BEGAIN: variants seen among roughly 807,000 people sequenced by gnomAD.
BEGAIN encodes brain-enriched guanylate kinase-associated protein.
In BEGAIN, 19 loss-of-function variants were observed where a neutral mutation model predicts 35.8. The ratio of observed to expected loss-of-function variants is 0.53; its 90% CI spans 0.37 to 0.78. The LOEUF is 0.78. Ranked by LOEUF, BEGAIN falls within the 30% of genes least tolerant of loss-of-function variation. The probability of loss-of-function intolerance (pLI) is 0.00; values close to 1 mark genes in which losing one functional copy is unlikely to be tolerated. For synonymous variants in BEGAIN, 462 were observed against 388.6 expected, an observed-to-expected ratio of 1.19 and a Z score of -2.22; for missense variants, 795 against 853.6, an observed-to-expected ratio of 0.93 and a Z score of 0.85.
At chr14:100,539,401 ATGT>A in intron 6 of BEGAIN, 86 bp from the exon 7 acceptor site, 1 of 1,482,480 alleles carries the variant, frequency 6.7e-7, no homozygotes, top group African/African-American at 1.4e-5. Context: ...CTGAGGACTG[ATGT>A]TAGCCATGAC....
At chr14:100,566,104 C>T (rs1490662340) in intron 2 of BEGAIN, among the ~76,000 whole-genome samples, 1 of 152,204 alleles carries the variant, frequency 6.6e-6, no homozygotes, top group Admixed American at 6.5e-5. Context: ...GGGCAGGACC[C>T]CTCCCCAGTT....
chr14:100,544,019 A>G, intron 4 of BEGAIN, 54 bp from the exon 5 acceptor site: 1 of 1,380,168 alleles, frequency 7.2e-7, no homozygotes, highest in Non-Finnish European at 1.0e-6. Flanking sequence ...TGGTGAGCCA[A>G]CCCAGTCGCT....
At chr14:100,546,729 C>T in intron 2 of BEGAIN, 67 bp from the exon 3 acceptor site, 1 of 1,436,064 alleles carries the variant, frequency 7.0e-7, no homozygotes, top group Admixed American at 2.7e-5. Context: ...GCCCGCAGGC[C>T]AGCCGGGGCG....
intron 1 of BEGAIN, among the ~76,000 whole-genome samples, chr14:100,574,633 C>A (rs1478062902): frequency 6.6e-6 from 1 of 151,582 alleles, no homozygotes; most frequent in Non-Finnish European, 1.5e-5. Flanking sequence ...CTGGCAACGT[C>A]GGCCCACATT....
intron 1 of BEGAIN, among the ~76,000 whole-genome samples, chr14:100,583,692 C>CTTTTTTTTTTTTTTTTTTTT (rs56090356): frequency 3.4e-4 from 37 of 108,976 alleles, no homozygotes; most frequent in Non-Finnish European, 5.0e-4. Context: ...GTTTTTCTTC[C>CTTTTTTTTTTTTTTTTTTTT]TTTTTTTTTT....
chr14:100,555,496 G>A (rs181042730), intron 2 of BEGAIN, among the ~76,000 whole-genome samples: 143 of 152,318 alleles, frequency 9.4e-4, no homozygotes, highest in African/African-American at 3.3e-3. Flanking sequence ...CCTGCCCACC[G>A]TGTGCACCCA....
intron 2 of BEGAIN, among the ~76,000 whole-genome samples, chr14:100,552,289 C>T (rs1469190804): frequency 6.6e-6 from 1 of 152,172 alleles, no homozygotes; most frequent in East Asian, 1.9e-4. Flanking sequence ...CAGGCTCTGA[C>T]TCTGGTCTCT....
intron 1 of BEGAIN, among the ~76,000 whole-genome samples, chr14:100,579,018 G>A (rs931564456): frequency 6.6e-6 from 1 of 152,104 alleles, no homozygotes; most frequent in Admixed American, 6.6e-5. Context: ...CTGCTACCAT[G>A]CCTGGCTAAT....
intron 2 of BEGAIN, chr14:100,549,840 C>T (rs890958853): frequency 6.6e-6 from 1 of 152,318 alleles, no homozygotes; most frequent in African/African-American, 2.4e-5. Context: ...GAAAAGGTGT[C>T]CTGGCAAGGG....
At position 100,558,456 on chromosome 14, in the gene BEGAIN, G is replaced by A. The variant is rs2033952540; in HGVS notation, c.71+9455C>T. On this transcript the variant is annotated intron_variant, in intron 2 of 6. Transcript: ENST00000554140. This position sits in a 1 kb window ranked among gnomAD's most constrained non-coding sequence, Gnocchi z 4.6. ...GCCTCCTGGCACCAGCGTGTCCCGG[G>A]GATCTGGCCTCCGGCATCTCCTTCC... Among the ~76,000 whole-genome samples the A allele has an allele frequency of 6.6e-6, 1 of 152,128 alleles. No individual in the cohort carries two copies. The highest frequency in any genetic ancestry group is 2.4e-5 in the African/African-American group (1 of 41,412).
rs2034927039 is a variant in BEGAIN at position 100,568,630 on chromosome 14, C to G, written c.43-691G>C. The G allele has an allele frequency of 1.3e-6, 1 of 790,044 alleles. No individual in the cohort carries two copies. The highest frequency in any genetic ancestry group is 1.8e-5 in the South Asian group (1 of 54,822). The allele number at this position is 790,044 out of a possible 1,614,324, so 48.9% of individuals were successfully genotyped here. On this transcript the variant is annotated intron_variant, in intron 1 of 6. Coordinates refer to ENST00000554140, the MANE Select transcript of BEGAIN (RefSeq NM_001385089.1). The surrounding 1 kb of genome is among the most constrained non-coding windows in gnomAD (Gnocchi z 7.5). ...ACCCGCCCGCGCGCGGCTTGGAGAC[C>G]CTCCCTGCCCAGCCCCGCTCAGCCG... is the stretch of plus-strand genomic sequence containing the variant.
chr14:100,582,315 T>C (rs1429761738), intron 1 of BEGAIN, among the ~76,000 whole-genome samples: 1 of 152,128 alleles, frequency 6.6e-6, no homozygotes, highest in Non-Finnish European at 1.5e-5. Context: ...CAGCTAATTT[T>C]TGTATTTTTA....
chr14:100,569,498 C>G (rs12893609), intron 1 of BEGAIN: 7,044 of 152,418 alleles, frequency 0.046, 217 homozygotes, highest in Middle Eastern at 0.088. Context: ...TAAACACGGA[C>G]AGTGCATGCC....
intron 2 of BEGAIN, chr14:100,550,636 G>T (rs574672742): frequency 2.3e-4 from 93 of 396,560 alleles, no homozygotes; most frequent in Non-Finnish European, 3.9e-4. Context: ...TGGGGAGTTG[G>T]TCCCCACCCC....
chr14:100,543,980 G>A lies in BEGAIN; in HGVS notation c.301-15C>T, dbSNP rs1595110878. The A allele has an allele frequency of 1.9e-6, 3 of 1,592,232 alleles. No individual in the cohort carries two copies. The highest frequency in any genetic ancestry group is 4.6e-5 in the East Asian group (2 of 43,720). On this transcript the variant is annotated splice_polypyrimidine_tract_variant and intron_variant, in intron 4 of 6. Coordinates refer to ENST00000554140, the MANE Select transcript of BEGAIN (RefSeq NM_001385089.1). ...TAGTGCTGGCCCTGGGGGTGGGACA[G>A]TGGGAGGAGGAGGCCCGTGGTTGGC...
At chr14:100,578,456 G>A (rs1045127130) in intron 1 of BEGAIN, among the ~76,000 whole-genome samples, 7 of 152,212 alleles carry the variant, frequency 4.6e-5, no homozygotes, top group East Asian at 1.9e-4. Context: ...CAGAGGCTGC[G>A]GGCAGCCCAC....
At chr14:100,545,842 C>G (rs1024296988) in intron 3 of BEGAIN, among the ~76,000 whole-genome samples, 6 of 152,190 alleles carry the variant, frequency 3.9e-5, no homozygotes, top group Non-Finnish European at 8.8e-5. Context: ...ATGGCAAGTC[C>G]TCCCTAGGGG....
Position 100,546,547 on chromosome 14 carries a change from G to A in BEGAIN, c.187C>T (p.Arg63Trp). ...STRHYLEIEL[R>W]RAQEELEKVT... is the part of the protein sequence containing the mutation. ...TTCTCCAGTTCCTCCTGCGCGCGCC[G>A]CAGCTCGATCTCCAGGTAGTGGCGC... The change falls in exon 3 of 7, where the codon CGG becomes TGG. Residue 63 changes from arginine to tryptophan, a missense_variant. Around this residue, in one of 3 missense-constraint regions of BEGAIN, gnomAD observed 73 missense variants for 143.2 expected, o/e 0.51. Coordinates refer to ENST00000554140, the MANE Select transcript of BEGAIN (RefSeq NM_001385089.1). 6.3e-7 allele frequency: 1 copy of A among 1,578,972 alleles called. No individual in the cohort carries two copies.
In BEGAIN at chr14:100,539,117, C is replaced by T. The variant is rs371847040; in HGVS notation, c.691G>A (p.Gly231Arg). The change falls in exon 7 of 7, where the codon GGG (glycine) becomes AGG (arginine). Residue 231 changes from glycine (G) to arginine (R), a missense_variant. By Grantham distance (125) the Gly-to-Arg change is moderately radical. Around this residue, in one of 3 missense-constraint regions of BEGAIN, gnomAD observed 664 missense variants for 647.7 expected, o/e 1.03. Coordinates refer to ENST00000554140, the MANE Select transcript of BEGAIN (RefSeq NM_001385089.1). The part of the protein sequence containing the change: ...ASARDLAFCD[G>R]VEKPGPRPPY... Reference sequence around the variant, plus strand: ...GGCCGCGGGCCTGGTTTCTCCACCCCGTCGCAGAAGGCCAGGTCGCGGGCG... The same window carrying T: ...GGCCGCGGGCCTGGTTTCTCCACCCTGTCGCAGAAGGCCAGGTCGCGGGCG... 1.8e-5 allele frequency: 29 copies of T among 1,607,414 alleles called. No homozygotes were observed. Among genetic ancestry groups the T allele is most frequent in the Non-Finnish European group, 2.2e-5 (26 of 1,175,858 alleles).
Sources: allele counts gnomAD v4.1 joint callset (sites outside exome capture counted in the v4.1 genomes callset), GRCh38; gene constraint gnomAD v4.1.1; regional missense constraint gnomAD v4.1.1; non-coding constraint Gnocchi (gnomAD v3.1); transcripts MANE v1.5; gene names NCBI Gene and HGNC (gene_info 2026-07-23, HGNC 2026-07-21).